CASQ2: variants seen among roughly 807,000 people sequenced by gnomAD.
CASQ2 encodes calsequestrin 2.
A neutral mutation model predicts 46.5 loss-of-function variants in CASQ2; 49 were observed. That is an observed-to-expected ratio of 1.05 (90% CI 0.84 to 1.34). The LOEUF (loss-of-function observed/expected upper bound fraction) is 1.34, where lower values mean the gene tolerates loss of function less well. Among genes scored for constraint, CASQ2 ranks in the 40% most tolerant of loss-of-function variants. The probability of loss-of-function intolerance (pLI) is 0.00; values close to 1 mark genes in which losing one functional copy is unlikely to be tolerated. For synonymous variants in CASQ2, 174 were observed against 168.5 expected, an observed-to-expected ratio of 1.03 and a Z score of -0.25; for missense variants, 486 against 481.3, an observed-to-expected ratio of 1.01 and a Z score of -0.09.
rs773802801 is a variant in CASQ2 at position 115,700,505 on chromosome 1, ATG to A, written c.*734_*735del. On this transcript the variant is annotated 3_prime_UTR_variant, in exon 11 of 11. Coordinates refer to ENST00000261448, the MANE Select transcript of CASQ2 (RefSeq NM_001232.4). The stretch of plus-strand genomic sequence containing the variant: ...CCACCCTCCACTCCTGCTGATGAAT[ATG>A]TGAGACTTGCCAACTAGAGGGAAGT... The A allele has an allele frequency of 6.5e-6, 1 of 153,650 alleles. No homozygotes were observed. Among genetic ancestry groups the A allele is most frequent in the African/African-American group, 2.4e-5 (1 of 41,452 alleles). 9.5% of individuals were successfully genotyped at this position (153,650 alleles called of 1,614,324 possible).
At chr1:115,706,023 C>T (rs750496994) in intron 8 of CASQ2, among the ~76,000 whole-genome samples, 17 of 152,090 alleles carry the variant, frequency 1.1e-4, no homozygotes, top group South Asian at 2.1e-4. Flanking sequence ...TTTAGGAGAA[C>T]GTTTAGTAAG....
intron 8 of CASQ2, among the ~76,000 whole-genome samples, chr1:115,710,007 A>T (rs1654490504): frequency 6.6e-6 from 1 of 151,866 alleles, no homozygotes; most frequent in Admixed American, 6.6e-5. Context: ...CATGCAGTTA[A>T]TTTTTTTATT....
intron 8 of CASQ2, among the ~76,000 whole-genome samples, chr1:115,709,799 A>C (rs1471094112): frequency 6.6e-6 from 1 of 152,090 alleles, no homozygotes; most frequent in African/African-American, 2.4e-5. Flanking sequence ...TTTTCACATG[A>C]CGTTTACTCC....
chr1:115,722,481 G>C (rs1647414034), intron 7 of CASQ2, among the ~76,000 whole-genome samples: 1 of 152,072 alleles, frequency 6.6e-6, no homozygotes, highest in Admixed American at 6.6e-5. Flanking sequence ...GAGGACACAG[G>C]CTCCCCATCT....
chr1:115,743,941 A>T (rs7528620), intron 2 of CASQ2, among the ~76,000 whole-genome samples: 109,218 of 151,292 alleles, frequency 0.72, 42,646 homozygotes, highest in Non-Finnish European at 0.88. Context: ...GTTCAACACC[A>T]GCCTGGCCAA....
At chr1:115,743,660 C>G (rs1243960857) in intron 2 of CASQ2, among the ~76,000 whole-genome samples, 4 of 150,006 alleles carry the variant, frequency 2.7e-5, no homozygotes, top group Admixed American at 2.0e-4. Flanking sequence ...TTTTATGTAC[C>G]TGAAAGTATT....
chr1:115,724,527 A>G lies in CASQ2; in HGVS notation c.783+981T>C, dbSNP rs558825211. On this transcript the variant is annotated intron_variant, in intron 7 of 10. Transcript: ENST00000261448. ...GCTATTGGAAGATCCAAATAAAAAG[A>G]TGCATGAAATGCTTTGAAAAATGCT... Among the ~76,000 whole-genome samples, 11 of 152,326 alleles carry G rather than the reference A, an allele frequency of 7.2e-5. 1 individual carries two copies. The East Asian group carries it at 7.7e-4, about 11-fold the overall frequency.
At chr1:115,705,357 G>T in intron 8 of CASQ2, 65 bp from the exon 9 acceptor site, 1 of 1,056,994 alleles carries the variant, frequency 9.5e-7, no homozygotes, top group Non-Finnish European at 1.5e-6. Flanking sequence ...GTGGAGAGCA[G>T]AGTGTGATTT....
chr1:115,756,829 C>T (rs1261138021), intron 1 of CASQ2, among the ~76,000 whole-genome samples: 1 of 152,136 alleles, frequency 6.6e-6, no homozygotes, highest in Middle Eastern at 3.2e-3. Flanking sequence ...CGCCTGTAGT[C>T]TCAGCTACTC....
At chr1:115,720,663 C>A (rs1010352476) in intron 7 of CASQ2, among the ~76,000 whole-genome samples, 1 of 152,138 alleles carries the variant, frequency 6.6e-6, no homozygotes, top group Non-Finnish European at 1.5e-5. Context: ...CCCAAAGAAC[C>A]GGAGATTTGG....
intron 1 of CASQ2, among the ~76,000 whole-genome samples, chr1:115,745,777 T>C (rs1648366077): frequency 6.6e-6 from 1 of 152,194 alleles, no homozygotes; most frequent in African/African-American, 2.4e-5. Flanking sequence ...AAAAAGATAA[T>C]TGTAGATTAA....
intron 7 of CASQ2, among the ~76,000 whole-genome samples, chr1:115,722,168 T>C (rs1647401359): frequency 6.6e-6 from 1 of 152,190 alleles, no homozygotes; most frequent in Non-Finnish European, 1.5e-5. Flanking sequence ...GGGTAAGACA[T>C]GAGGCTGTTC....
intron 7 of CASQ2, among the ~76,000 whole-genome samples, chr1:115,723,753 G>A (rs1647474306): frequency 6.6e-6 from 1 of 152,100 alleles, no homozygotes; most frequent in Admixed American, 6.5e-5. Flanking sequence ...TGGCCAGGCT[G>A]GTCTCGAACT....
intron 1 of CASQ2, among the ~76,000 whole-genome samples, chr1:115,749,591 G>C (rs893350823): frequency 2.0e-5 from 3 of 152,142 alleles, no homozygotes; most frequent in Non-Finnish European, 1.5e-5. Flanking sequence ...CTCCCACGCT[G>C]ATAAGACCCA....
chr1:115,749,850 G>A (rs961688056), intron 1 of CASQ2, among the ~76,000 whole-genome samples: 3 of 152,156 alleles, frequency 2.0e-5, no homozygotes, highest in Non-Finnish European at 4.4e-5. Context: ...GCATTCTCAG[G>A]TCGCTACCAG....
rs749524743 is a variant in CASQ2 at position 115,705,256 on chromosome 1, G to C, written c.875C>G (p.Ala292Gly). 2.5e-6 allele frequency: 4 copies of C among 1,613,974 alleles called. No individual in the cohort carries two copies. In the South Asian group the frequency reaches 4.4e-5, roughly 18 times the overall value. Residue 292 changes from alanine to glycine, a missense_variant, in exon 9 of 11, where the codon GCC becomes GGC. Coordinates refer to ENST00000261448, the MANE Select transcript of CASQ2 (RefSeq NM_001232.4). ...YEFLEILKQV[A>G]RDNTDNPDLS... ...ATCGGGGTTGTCAGTATTGTCCCGG[G>C]CAACCTGTTTCAGGATCTCCAGGAA...
chr1:115,767,141 G>A (rs953537192), intron 1 of CASQ2, among the ~76,000 whole-genome samples: 4 of 152,030 alleles, frequency 2.6e-5, no homozygotes, highest in African/African-American at 9.7e-5. Context: ...GTAAGTGTTG[G>A]TTTCATGTGC....
At chr1:115,744,154 A>AT (rs1390449331) in intron 2 of CASQ2, among the ~76,000 whole-genome samples, 1 of 150,290 alleles carries the variant, frequency 6.7e-6, no homozygotes, top group Non-Finnish European at 1.5e-5. Context: ...AAAAAAAAAA[A>AT]AAAGAAAAAA....
chr1:115,725,269 T>A (rs1647536605), intron 7 of CASQ2, among the ~76,000 whole-genome samples: 1 of 152,080 alleles, frequency 6.6e-6, no homozygotes, highest in Non-Finnish European at 1.5e-5. Context: ...GGTTTTGCTA[T>A]GTTGCCCAGG....
Sources: allele counts gnomAD v4.1 joint callset (sites outside exome capture counted in the v4.1 genomes callset), GRCh38; gene constraint gnomAD v4.1.1; transcripts MANE v1.5; gene names NCBI Gene and HGNC (gene_info 2026-07-23, HGNC 2026-07-21).